DCLK3: variants seen among roughly 807,000 people sequenced by gnomAD.
The protein encoded by DCLK3 is serine/threonine-protein kinase DCLK3.
In DCLK3, 30 loss-of-function variants were observed where a neutral mutation model predicts 46.4. The ratio of observed to expected loss-of-function variants is 0.65; its 90% CI spans 0.48 to 0.88. The LOEUF (loss-of-function observed/expected upper bound fraction) is 0.88. Among genes scored for constraint, DCLK3 ranks in the 40% least tolerant of loss-of-function variants. The pLI is 0.00. For missense variants in DCLK3, 846 were observed against 907.1 expected (o/e 0.93, Z 0.87); for synonymous variants, 401 against 339.2 (o/e 1.18, Z -2.00).
At chr3:36,739,258 C>G (rs566029245) in intron 1 of DCLK3, among the ~76,000 whole-genome samples, 174 bp from the exon 2 acceptor site, 18 of 152,262 alleles carry the variant, frequency 1.2e-4, no homozygotes, top group African/African-American at 4.3e-4. Flanking sequence ...TTCCCAGTCT[C>G]CTCTACACCA....
Position 36,738,211 on chromosome 3 carries a change from T to C in DCLK3, c.956A>G (p.Gln319Arg). Residue 319 changes from glutamine (Q) to arginine (R), a missense_variant, in exon 2 of 5, where the codon CAG becomes CGG. Transcript: ENST00000636136. ...AGAAAGCCTCTCACGCTCCAGGCTC[T>C]GCTGGAGCTCCCTCTCTCTCTTGCA... ...EKCKRERELQ[Q>R]SLERERLSLG... The C allele has an allele frequency of 6.2e-7, 1 of 1,609,148 alleles. No homozygotes were observed. The highest frequency in any genetic ancestry group is 1.7e-4 in the Middle Eastern group (1 of 6,008).
At chr3:36,762,093 T>C (rs936974164) in intron 1 of DCLK3, among the ~76,000 whole-genome samples, 1 of 152,266 alleles carries the variant, frequency 6.6e-6, no homozygotes, top group African/African-American at 2.4e-5. Context: ...GATCATTGAG[T>C]ACTGTGTGCA....
intron 1 of DCLK3, among the ~76,000 whole-genome samples, chr3:36,746,438 A>T (rs1170252653): frequency 6.6e-6 from 1 of 152,100 alleles, no homozygotes; most frequent in East Asian, 1.9e-4. Flanking sequence ...TCCTTTTCTC[A>T]CTTTTAAAGC....
At chr3:36,731,205 C>T (rs1206149507) in intron 2 of DCLK3, among the ~76,000 whole-genome samples, 1 of 151,958 alleles carries the variant, frequency 6.6e-6, no homozygotes, top group Non-Finnish European at 1.5e-5. Flanking sequence ...AACTTGATAG[C>T]CTCATATTTC....
chr3:36,760,508 G>A (rs1205534598), intron 1 of DCLK3, among the ~76,000 whole-genome samples: 2 of 151,888 alleles, frequency 1.3e-5, no homozygotes, highest in Non-Finnish European at 2.9e-5. Context: ...GATAGCATTA[G>A]GAGATATACC....
Position 36,743,759 on chromosome 3 carries a change from G to A in DCLK3, c.83-4675C>T, listed in dbSNP as rs564055174. 3.7e-4 allele frequency among the ~76,000 whole-genome samples: 57 copies of A among 152,092 alleles called. 1 individual carries two copies. The highest frequency in any genetic ancestry group is 1.1e-3 in the Admixed American group (17 of 15,272). On this transcript the variant is annotated intron_variant, in intron 1 of 4. Transcript: ENST00000636136. Reference sequence around the variant, plus strand: ...CCATCCATCTGCTCAATAACCTACAGTAGCTCCTTATTAGCCTCCTTGAGT... The same window carrying A: ...CCATCCATCTGCTCAATAACCTACAATAGCTCCTTATTAGCCTCCTTGAGT...
chr3:36,721,727 C>A (rs1455827369), intron 2 of DCLK3, 68 bp from the exon 3 acceptor site: 1 of 1,596,908 alleles, frequency 6.3e-7, no homozygotes, highest in Admixed American at 1.7e-5. Context: ...ACTAATGAAA[C>A]AACAGCCATG....
chr3:36,763,928 C>T (rs75081123), intron 1 of DCLK3, among the ~76,000 whole-genome samples: 15 of 152,340 alleles, frequency 9.8e-5, no homozygotes, highest in African/African-American at 3.4e-4. Flanking sequence ...AAATCAGCTC[C>T]GGAGAGCGTT....
At chr3:36,724,605 C>T (rs985439544) in intron 2 of DCLK3, among the ~76,000 whole-genome samples, 3 of 152,098 alleles carry the variant, frequency 2.0e-5, no homozygotes, top group Non-Finnish European at 4.4e-5. Context: ...CGAGATCTGA[C>T]AGTTTCAAAA....
At chr3:36,730,045 G>T (rs997091821) in intron 2 of DCLK3, among the ~76,000 whole-genome samples, 2 of 152,088 alleles carry the variant, frequency 1.3e-5, no homozygotes, top group Non-Finnish European at 2.9e-5. Flanking sequence ...CACGTGTGGT[G>T]GTTTATACCT....
chr3:36,746,805 C>T (rs1186270682), intron 1 of DCLK3, among the ~76,000 whole-genome samples: 2 of 152,198 alleles, frequency 1.3e-5, no homozygotes, highest in African/African-American at 2.4e-5. Context: ...CAGAGCAGAG[C>T]TTCTCAAATG....
intron 1 of DCLK3, among the ~76,000 whole-genome samples, chr3:36,751,066 A>AAAAAAAAAAAAC: frequency 6.7e-6 from 1 of 149,128 alleles, no homozygotes; most frequent in Non-Finnish European, 1.5e-5. Context: ...GATGATCTAA[A>AAAAAAAAAAAAC]AAAAAAAAAA....
intron 3 of DCLK3, among the ~76,000 whole-genome samples, chr3:36,718,423 T>C (rs1007641981): frequency 1.2e-4 from 18 of 152,228 alleles, no homozygotes; most frequent in African/African-American, 4.3e-4. Flanking sequence ...ATTACTGGTC[T>C]GTAATAGAAT....
At chr3:36,753,279 C>G (rs561794962) in intron 1 of DCLK3, among the ~76,000 whole-genome samples, 1 of 152,178 alleles carries the variant, frequency 6.6e-6, no homozygotes, top group African/African-American at 2.4e-5. Flanking sequence ...GTCCCACTCC[C>G]TCCTCCCAAT....
chr3:36,730,975 A>T (rs1184554433), intron 2 of DCLK3, among the ~76,000 whole-genome samples: 2 of 151,966 alleles, frequency 1.3e-5, no homozygotes, highest in Non-Finnish European at 2.9e-5. Context: ...GAATGGCTGG[A>T]GAGTGGCTTT....
At chr3:36,731,738 G>A (rs534002433) in intron 2 of DCLK3, among the ~76,000 whole-genome samples, 38 of 152,074 alleles carry the variant, frequency 2.5e-4, no homozygotes, top group African/African-American at 8.7e-4. Flanking sequence ...TCTTTACTGC[G>A]GTCCCCAAGA....
chr3:36,726,074 C>T (rs1879546), intron 2 of DCLK3, among the ~76,000 whole-genome samples: 32,311 of 151,882 alleles, frequency 0.21, 4,175 homozygotes, highest in East Asian at 0.6. Context: ...GGTCACTATG[C>T]TAGAAAAAAT....
chr3:36,756,724 T>C (rs1472761434), intron 1 of DCLK3, among the ~76,000 whole-genome samples: 3 of 152,110 alleles, frequency 2.0e-5, no homozygotes, highest in African/African-American at 7.2e-5. Context: ...ATACTTCCTG[T>C]AGGGTGCCTT....
chr3:36,757,769 G>A (rs987203224), intron 1 of DCLK3, among the ~76,000 whole-genome samples: 5 of 151,936 alleles, frequency 3.3e-5, no homozygotes, highest in African/African-American at 7.3e-5. Flanking sequence ...TGACACCTGC[G>A]GTCCTCATCC....
Sources: gnomAD v4.1 joint callset for allele counts (sites outside exome capture counted in the v4.1 genomes callset) on GRCh38, gnomAD v4.1.1 for gene constraint, MANE v1.5 for transcripts, NCBI Gene and HGNC (gene_info 2026-07-23, HGNC 2026-07-21) for gene names.